The following MCPH1 variants were observed in gnomAD, a reference collection of about 807,000 sequenced individuals.
The protein encoded by MCPH1 is microcephalin 1.
A neutral mutation model predicts 84.5 loss-of-function variants in MCPH1; 104 were observed. The ratio of observed to expected loss-of-function variants is 1.23; its 90% CI spans 1.05 to 1.45. MCPH1 has a LOEUF of 1.45. MCPH1 is among the 40% of genes most tolerant of loss of function. The probability of loss-of-function intolerance (pLI) is 0.00; values close to 1 mark genes in which losing one functional copy is unlikely to be tolerated. For synonymous variants in MCPH1, 514 were observed against 366.8 expected, an observed-to-expected ratio of 1.40 and a Z score of -4.58; for missense variants, 1,498 against 1,005.7, an observed-to-expected ratio of 1.49 and a Z score of -6.62.
intron 12 of MCPH1, among the ~76,000 whole-genome samples, chr8:6,505,217 A>C (rs1338028376): frequency 1.1e-5 from 1 of 88,152 alleles, no homozygotes; most frequent in African/African-American, 6.5e-5. Context: ...GAATATATAT[A>C]TATATTCTTA....
chr8:6,480,636 T>C (rs745354884), intron 10 of MCPH1, 78 bp from the exon 11 acceptor site: 8 of 1,534,906 alleles, frequency 5.2e-6, no homozygotes, highest in East Asian at 4.5e-5. Context: ...TTATTAGTAC[T>C]AATATTGAGT....
chr8:6,503,514 G>T (rs922350464), intron 12 of MCPH1, among the ~76,000 whole-genome samples: 1 of 152,152 alleles, frequency 6.6e-6, no homozygotes, highest in African/African-American at 2.4e-5. Flanking sequence ...GTGTGGAGAG[G>T]CCTGAATTCT....
intron 9 of MCPH1, among the ~76,000 whole-genome samples, chr8:6,474,716 T>G (rs1349048591): frequency 6.6e-6 from 1 of 152,218 alleles, no homozygotes. Context: ...ATGTATAGTG[T>G]GGCTGGGCAC....
rs539143674 is a variant in MCPH1, at chr8:6,423,677, G to A, written c.234-7822G>A. Among the ~76,000 whole-genome samples the A allele has an allele frequency of 2.8e-3, 423 of 151,860 alleles. 2 individuals carry two copies. Among genetic ancestry groups the A allele is most frequent in the Non-Finnish European group, 4.4e-3 (296 of 67,944 alleles). On this transcript the variant is annotated intron_variant, in intron 3 of 13. Transcript: ENST00000344683. Reference sequence around the variant, plus strand: ...GCTTCTGTATGTATTACCTTTTTGCGGGTGATAAATCTTTCCATAGGTTTA... The same window carrying A: ...GCTTCTGTATGTATTACCTTTTTGCAGGTGATAAATCTTTCCATAGGTTTA...
chr8:6,577,967 G>T (rs1014625261), intron 12 of MCPH1, among the ~76,000 whole-genome samples: 5 of 152,208 alleles, frequency 3.3e-5, no homozygotes, highest in African/African-American at 1.2e-4. Context: ...CCTCTTTGCT[G>T]TGTGCGATCC....
chr8:6,492,922 T>C (rs1011768858), intron 11 of MCPH1, among the ~76,000 whole-genome samples: 11 of 152,178 alleles, frequency 7.2e-5, no homozygotes, highest in African/African-American at 2.4e-4. Flanking sequence ...GGTACGTGGC[T>C]CTAGGGAGGC....
In MCPH1 at chr8:6,544,078, A is replaced by G. The variant is rs368103371; in HGVS notation, c.2214+44149A>G. ...CAAAACAATATTCAATACCTAGATGATGTGGCAAGACAGAGAATAGTATAA... is the reference window on the plus strand; with the variant it reads ...CAAAACAATATTCAATACCTAGATGGTGTGGCAAGACAGAGAATAGTATAA... On this transcript the variant is annotated intron_variant, in intron 12 of 13. Coordinates refer to ENST00000344683, the MANE Select transcript of MCPH1 (RefSeq NM_024596.5). Among the ~76,000 whole-genome samples, 319 of 152,366 alleles carry G rather than the reference A, an allele frequency of 2.1e-3. 2 individuals are homozygous for G. The highest frequency in any genetic ancestry group is 7.0e-3 in the African/African-American group (293 of 41,590).
At chr8:6,577,755 G>A (rs1305932967) in intron 12 of MCPH1, among the ~76,000 whole-genome samples, 2 of 152,206 alleles carry the variant, frequency 1.3e-5, no homozygotes, top group African/African-American at 4.8e-5. Flanking sequence ...GTGAGACACC[G>A]TGCTACTTGT....
chr8:6,492,088 C>T (rs1243714651), intron 11 of MCPH1, among the ~76,000 whole-genome samples: 1 of 152,210 alleles, frequency 6.6e-6, no homozygotes, highest in African/African-American at 2.4e-5. Context: ...TTTACAGTCC[C>T]ACTAGCAATG....
chr8:6,460,513 C>T (rs1480687905), intron 9 of MCPH1, among the ~76,000 whole-genome samples: 2 of 152,026 alleles, frequency 1.3e-5, no homozygotes, highest in African/African-American at 4.8e-5. Context: ...TTCATGCCCT[C>T]TATTTGATTT....
In MCPH1 at chr8:6,627,268, C is replaced by T. The variant is rs554280775; in HGVS notation, c.2452+5577C>T. ...ACCGCAGTCCACATCTCCATTGCCT[C>T]GATAAGGAACCAGTCGCAGAGAGGG... On this transcript the variant is annotated intron_variant, in intron 13 of 13. Transcript: ENST00000344683. 30 of 985,398 alleles carry T rather than the reference C, an allele frequency of 3.0e-5. No homozygotes were observed. The South Asian group carries it at 4.2e-4, about 14-fold the overall frequency. 61.0% of individuals were successfully genotyped at this position (985,398 alleles called of 1,614,324 possible).
intron 12 of MCPH1, among the ~76,000 whole-genome samples, chr8:6,607,616 G>C (rs759005129): frequency 3.9e-5 from 6 of 152,044 alleles, no homozygotes; most frequent in Non-Finnish European, 7.4e-5. Flanking sequence ...TGTGTTATGG[G>C]AGGGAACCAG....
At chr8:6,485,857 C>T (rs147312995) in intron 11 of MCPH1, among the ~76,000 whole-genome samples, 40 of 151,964 alleles carry the variant, frequency 2.6e-4, no homozygotes, top group African/African-American at 8.2e-4. Context: ...CAATGGTAAC[C>T]GCAATGGTAA....
At chr8:6,478,262 G>T (rs1038391524) in intron 10 of MCPH1, among the ~76,000 whole-genome samples, 7 of 152,126 alleles carry the variant, frequency 4.6e-5, no homozygotes, top group Non-Finnish European at 8.8e-5. Flanking sequence ...AACATTTTCA[G>T]TAGTGGGATC....
chr8:6,610,808 C>G (rs1830188504), intron 12 of MCPH1, among the ~76,000 whole-genome samples: 1 of 151,888 alleles, frequency 6.6e-6, no homozygotes, highest in Non-Finnish European at 1.5e-5. Context: ...TTCCTTAAAA[C>G]TAAGAACATA....
At chr8:6,525,301 C>A (rs1487296486) in intron 12 of MCPH1, among the ~76,000 whole-genome samples, 5 of 152,140 alleles carry the variant, frequency 3.3e-5, no homozygotes, top group African/African-American at 1.2e-4. Context: ...GTCTTTGTTG[C>A]CCAGGTTGGT....
At chr8:6,472,515 G>C (rs568317838) in intron 9 of MCPH1, among the ~76,000 whole-genome samples, 1 of 152,164 alleles carries the variant, frequency 6.6e-6, no homozygotes, top group African/African-American at 2.4e-5. Context: ...GCCCAGGCTG[G>C]AGTGCATTGG....
chr8:6,478,209 G>C (rs1343315656), intron 10 of MCPH1, among the ~76,000 whole-genome samples: 1 of 152,162 alleles, frequency 6.6e-6, no homozygotes, highest in Non-Finnish European at 1.5e-5. Context: ...CAAAACATTG[G>C]AACATTTCAG....
chr8:6,425,263 A>G (rs1800890336), intron 3 of MCPH1, among the ~76,000 whole-genome samples: 1 of 152,224 alleles, frequency 6.6e-6, no homozygotes, highest in African/African-American at 2.4e-5. Context: ...GTTTAGAGAC[A>G]TCTCTTGAAA....
Sources: allele counts gnomAD v4.1 joint callset (sites outside exome capture counted in the v4.1 genomes callset), GRCh38; gene constraint gnomAD v4.1.1; transcripts MANE v1.5; gene names NCBI Gene and HGNC (gene_info 2026-07-23, HGNC 2026-07-21).